The following CERKL variants were observed in gnomAD, a reference collection of about 807,000 sequenced individuals.
The protein encoded by CERKL is ceramide kinase-like protein.
Under a neutral mutation model 63.4 loss-of-function variants are expected in CERKL, and 61 were observed. The observed-to-expected ratio is 0.96, with a 90% CI of 0.78 to 1.19. The LOEUF (loss-of-function observed/expected upper bound fraction) is 1.19. Ranked by LOEUF, CERKL falls within the 50% of genes most tolerant of loss-of-function variation. CERKL has a pLI of 0.00. For missense variants in CERKL, 675 were observed against 655.5 expected, an observed-to-expected ratio of 1.03 and a Z score of -0.33; for synonymous variants, 250 against 230.5, an observed-to-expected ratio of 1.08 and a Z score of -0.77.
At chr2:181,650,706 C>A (rs1039876096) in intron 1 of CERKL, among the ~76,000 whole-genome samples, 1 of 151,648 alleles carries the variant, frequency 6.6e-6, no homozygotes, top group Non-Finnish European at 1.5e-5. Flanking sequence ...TTGCGGTGAG[C>A]CGAGATCACA....
chr2:181,595,182 T>C (rs765483672), intron 2 of CERKL, among the ~76,000 whole-genome samples: 3 of 152,040 alleles, frequency 2.0e-5, no homozygotes, highest in Non-Finnish European at 2.9e-5. Flanking sequence ...CCTGGTAATC[T>C]GTCACAAATC....
chr2:181,548,363 A>G, intron 8 of CERKL, 182 bp downstream of exon 8: 1 of 600,102 alleles, frequency 1.7e-6, no homozygotes, highest in East Asian at 2.8e-5. Flanking sequence ...AGGAAGGAAA[A>G]AGAGAAAAAG....
At chr2:181,656,160 G>C (rs1688145397) in intron 1 of CERKL, among the ~76,000 whole-genome samples, 1 of 152,088 alleles carries the variant, frequency 6.6e-6, no homozygotes, top group Admixed American at 6.5e-5. Context: ...CAATAATCTA[G>C]GGTCAATATT....
chr2:181,606,124 CAGAG>C (rs1392343439), intron 1 of CERKL, among the ~76,000 whole-genome samples: 4 of 144,834 alleles, frequency 2.8e-5, no homozygotes, highest in East Asian at 2.0e-4. Flanking sequence ...AAAGGCAAGA[CAGAG>C]AGAAGGGGAC....
rs1205437684 is a variant in CERKL at position 181,537,481 on chromosome 2, G to A, written c.*703C>T. On this transcript the variant is annotated 3_prime_UTR_variant, in exon 13 of 13. Coordinates refer to ENST00000410087, the MANE Select transcript of CERKL (RefSeq NM_201548.5). ...CCTACCACTTTAAGAAGACAGGGAT[G>A]GGTTATTCTTTTTTGGCAGGTAGGC... is the stretch of plus-strand genomic sequence containing the variant. 1 of 452,654 alleles carries A rather than the reference G, an allele frequency of 2.2e-6. No homozygotes were observed. The highest frequency in any genetic ancestry group is 4.4e-6 in the Non-Finnish European group (1 of 226,244). The allele number at this position is 452,654 out of a possible 1,614,324, so 28.0% of individuals were successfully genotyped here.
At chr2:181,549,553 G>T in intron 6 of CERKL, 81 bp downstream of exon 6, 1 of 1,129,436 alleles carries the variant, frequency 8.9e-7, no homozygotes, top group Non-Finnish European at 1.3e-6. Flanking sequence ...TTTTCTTAAA[G>T]TCTGATGGAA....
chr2:181,537,616 C>T lies in CERKL; in HGVS notation c.*568G>A. ...TTGTAACAGAATATAGGAAATTTAA[C>T]ATAATTGATGAGCTCAAATCCTGAA... On this transcript the variant is annotated 3_prime_UTR_variant, in exon 13 of 13. Coordinates refer to ENST00000410087, the MANE Select transcript of CERKL (RefSeq NM_201548.5). The T allele has an allele frequency of 2.3e-6, 1 of 430,548 alleles. No individual in the cohort carries two copies. Among genetic ancestry groups the T allele is most frequent in the Non-Finnish European group, 4.6e-6 (1 of 219,062 alleles). The allele number at this position is 430,548 out of a possible 1,614,324, so 26.7% of individuals were successfully genotyped here.
intron 1 of CERKL, among the ~76,000 whole-genome samples, chr2:181,639,891 C>G (rs1189541963): frequency 6.6e-6 from 1 of 152,192 alleles, no homozygotes; most frequent in Non-Finnish European, 1.5e-5. Context: ...TCTAAGTGTT[C>G]ACTATTTTCA....
Position 181,539,277 on chromosome 2 carries a change from A to C in CERKL, c.1366-13T>G, listed in dbSNP as rs987237390. The C allele has an allele frequency of 7.9e-6, 12 of 1,510,804 alleles. No individual in the cohort carries two copies. In the Admixed American group the frequency reaches 1.8e-4, roughly 23 times the overall value. The allele number at this position is 1,510,804 out of a possible 1,614,324, so 93.6% of individuals were successfully genotyped here. ...ATGGAAAATTGAACTAAAAATAAAT[A>C]CAAATAATCATTATACTTGGTTTAT... On this transcript the variant is annotated splice_polypyrimidine_tract_variant and intron_variant, in intron 11 of 12. Coordinates refer to ENST00000410087, the MANE Select transcript of CERKL (RefSeq NM_201548.5).
chr2:181,656,622 G>A, intron 1 of CERKL, 147 bp downstream of exon 1: 3 of 685,334 alleles, frequency 4.4e-6, no homozygotes, highest in African/African-American at 1.9e-5. Context: ...TTGGGGACTC[G>A]GTAACCTGTC....
chr2:181,656,812 C>T lies in CERKL; in HGVS notation c.195G>A (p.Glu65=). Reference sequence around the variant, plus strand: ...GAATGGGCCGCCACCGCAGTGCTCGCTCGCTCAGCACCACGTCACAACTGT... The same window carrying T: ...GAATGGGCCGCCACCGCAGTGCTCGTTCGCTCAGCACCACGTCACAACTGT... ...GRDSCDVVLS[E]RALRWRPIQP... The change falls in exon 1 of 13, where the codon GAG becomes GAA. Residue 65 remains glutamate, a synonymous_variant. Transcript: ENST00000410087. 6.3e-7 allele frequency: 1 copy of T among 1,596,874 alleles called. No individual in the cohort carries two copies. The highest frequency in any genetic ancestry group is 8.6e-7 in the Non-Finnish European group (1 of 1,168,912).
intron 1 of CERKL, among the ~76,000 whole-genome samples, chr2:181,612,643 T>A (rs188590271): frequency 2.3e-3 from 345 of 152,010 alleles, no homozygotes; most frequent in African/African-American, 7.6e-3. Context: ...AATGGACTTT[T>A]AAAAAAAACT....
intron 4 of CERKL, among the ~76,000 whole-genome samples, chr2:181,560,820 T>A (rs16867447): frequency 0.12 from 18,110 of 152,130 alleles, 1,240 homozygotes; most frequent in East Asian, 0.22. Flanking sequence ...TGAAAAACAG[T>A]TTACCAGTAG....
rs1161600868 is a variant in CERKL, at chr2:181,621,864, C to T, written c.239-17785G>A. Among the ~76,000 whole-genome samples, 5 of 152,184 alleles carry T rather than the reference C, an allele frequency of 3.3e-5. No homozygotes were observed. In the East Asian group the frequency reaches 9.6e-4, roughly 29 times the overall value. The stretch of plus-strand genomic sequence containing the variant: ...TAGAAAGATAAATTTGATATCAATA[C>T]GATGTGACACAACTGCATCAAACCT... On this transcript the variant is annotated intron_variant, in intron 1 of 12. Transcript: ENST00000410087.
At chr2:181,573,294 A>G (rs976759844) in intron 3 of CERKL, among the ~76,000 whole-genome samples, 4 of 152,218 alleles carry the variant, frequency 2.6e-5, no homozygotes, top group African/African-American at 7.2e-5. Flanking sequence ...AAATTCATCT[A>G]TTAATAAAAC....
chr2:181,573,941 TCCCTTTAA>T, intron 2 of CERKL, 57 bp from the exon 3 acceptor site: 1 of 1,544,784 alleles, frequency 6.5e-7, no homozygotes, highest in South Asian at 1.2e-5. Flanking sequence ...TTTTTTTCTT[TCCCTTTAA>T]AATGACACAC....
intron 2 of CERKL, among the ~76,000 whole-genome samples, chr2:181,575,317 A>C (rs928158154): frequency 6.6e-6 from 1 of 151,598 alleles, no homozygotes; most frequent in Non-Finnish European, 1.5e-5. Flanking sequence ...TCCCAATCCC[A>C]CTCACTCTCC....
Position 181,558,769 on chromosome 2 carries a change from G to T in CERKL, c.678-61C>A. The T allele has an allele frequency of 6.5e-7, 1 of 1,548,726 alleles. No homozygotes were observed. The highest frequency in any genetic ancestry group is 8.9e-7 in the Non-Finnish European group (1 of 1,122,752). On this transcript the variant is annotated intron_variant, in intron 4 of 12. Coordinates refer to ENST00000410087, the MANE Select transcript of CERKL (RefSeq NM_201548.5). The surrounding 1 kb of genome is among the most constrained non-coding windows in gnomAD (Gnocchi z 4.2). ...TTCAGAATGATTGGTAATAAGTCAT[G>T]AAATCTAGACTTCAAAATAGTTTAC... is the stretch of plus-strand genomic sequence containing the variant.
rs762199764 is a variant in CERKL, at chr2:181,657,082, C to A, written c.-76G>T. On this transcript the variant is annotated 5_prime_UTR_variant, in exon 1 of 13. Transcript: ENST00000410087. ...GAAGGAGGTGGAGGGCGCGGCAGCC[C>A]CAGCTCTAGCCGCGTCCAGCGCTGC... 3.0e-5 allele frequency: 40 copies of A among 1,317,604 alleles called. No homozygotes were observed. The East Asian group carries it at 1.0e-3, about 33-fold the overall frequency. 81.6% of individuals were successfully genotyped at this position (1,317,604 alleles called of 1,614,324 possible).
Sources: gnomAD v4.1 joint callset for allele counts (sites outside exome capture counted in the v4.1 genomes callset) on GRCh38, gnomAD v4.1.1 for gene constraint, Gnocchi (gnomAD v3.1) non-coding constraint, MANE v1.5 for transcripts, NCBI Gene and HGNC (gene_info 2026-07-23, HGNC 2026-07-21) for gene names.